Variants in RPAP2 observed in about 807,000 individuals in gnomAD.
RPAP2 encodes putative RNA polymerase II subunit B1 CTD phosphatase RPAP2.
In RPAP2, 52 loss-of-function variants were observed where a neutral mutation model predicts 73.1. That is an observed-to-expected ratio of 0.71 (90% confidence interval 0.57 to 0.90). The LOEUF is 0.90. Ranked by LOEUF, RPAP2 falls within the 40% of genes least tolerant of loss-of-function variation. The pLI is 0.00. For missense variants in RPAP2, 598 were observed against 701.8 expected (o/e 0.85, Z 1.67); for synonymous variants, 225 against 242.1 (o/e 0.93, Z 0.65).
intron 11 of RPAP2, among the ~76,000 whole-genome samples, chr1:92,370,530 T>C (rs1655104520): frequency 6.6e-6 from 1 of 152,214 alleles, no homozygotes; most frequent in Admixed American, 6.5e-5. Flanking sequence ...TTAGATTATA[T>C]ATGAGAAACA....
At chr1:92,382,400 T>A (rs1047001076) in intron 12 of RPAP2, among the ~76,000 whole-genome samples, 2 of 152,208 alleles carry the variant, frequency 1.3e-5, no homozygotes, top group African/African-American at 4.8e-5. Flanking sequence ...CGTACAAGTG[T>A]TCCTATTTCT....
intron 8 of RPAP2, among the ~76,000 whole-genome samples, chr1:92,330,097 T>C (rs989107762): frequency 6.6e-6 from 1 of 152,172 alleles, no homozygotes; most frequent in Admixed American, 6.5e-5. Context: ...GAATGACTCT[T>C]CTGCACCGTC....
chr1:92,320,877 G>A (rs1368084993), intron 7 of RPAP2, among the ~76,000 whole-genome samples: 1 of 152,154 alleles, frequency 6.6e-6, no homozygotes, highest in Non-Finnish European at 1.5e-5. Context: ...AATTTAACCT[G>A]TTGAAATATG....
intron 10 of RPAP2, among the ~76,000 whole-genome samples, chr1:92,337,709 ATTGGATTAT>A (rs1369876603): frequency 3.3e-5 from 5 of 152,048 alleles, no homozygotes; most frequent in African/African-American, 1.2e-4. Flanking sequence ...TAGATATTAT[ATTGGATTAT>A]TATATATCTG....
At chr1:92,361,809 T>G (rs1181410539) in intron 11 of RPAP2, among the ~76,000 whole-genome samples, 4 of 152,036 alleles carry the variant, frequency 2.6e-5, no homozygotes, top group Non-Finnish European at 4.4e-5. Flanking sequence ...ATTCAAAACT[T>G]TATTCCAAAT....
chr1:92,307,045 G>A (rs1651289952), intron 5 of RPAP2, 143 bp from the exon 6 acceptor site: 2 of 612,446 alleles, frequency 3.3e-6, no homozygotes, highest in South Asian at 2.2e-5. Context: ...CAAAGGTTCA[G>A]TATCTTATTT....
At chr1:92,334,416 ATTG>A (rs1304409232) in intron 9 of RPAP2, among the ~76,000 whole-genome samples, 1 of 152,166 alleles carries the variant, frequency 6.6e-6, no homozygotes, top group African/African-American at 2.4e-5. Context: ...ACACTAAGGA[ATTG>A]TTAATTTGGA....
intron 11 of RPAP2, among the ~76,000 whole-genome samples, chr1:92,353,586 G>C (rs1654320600): frequency 6.6e-6 from 1 of 151,900 alleles, no homozygotes; most frequent in African/African-American, 2.4e-5. Flanking sequence ...AGTAGCTACT[G>C]GTATTCTTTT....
chr1:92,378,216 CATTT>C (rs1655474124), intron 11 of RPAP2, among the ~76,000 whole-genome samples: 1 of 150,998 alleles, frequency 6.6e-6, no homozygotes, highest in Admixed American at 6.6e-5. Flanking sequence ...TTCATTCATT[CATTT>C]TTGAGATGGA....
chr1:92,323,015 A>G (rs1224785345), intron 7 of RPAP2, among the ~76,000 whole-genome samples: 1 of 147,002 alleles, frequency 6.8e-6, no homozygotes, highest in Admixed American at 6.8e-5. Flanking sequence ...ATAAATATAT[A>G]CTTTATATTT....
At chr1:92,357,124 C>T (rs1654515069) in intron 11 of RPAP2, among the ~76,000 whole-genome samples, 1 of 144,152 alleles carries the variant, frequency 6.9e-6, no homozygotes, top group African/African-American at 2.6e-5. Flanking sequence ...CACACACAAA[C>T]AGATGTTTAT....
intron 8 of RPAP2, among the ~76,000 whole-genome samples, chr1:92,330,848 A>G (rs747361778): frequency 1.3e-5 from 2 of 152,214 alleles, no homozygotes; most frequent in South Asian, 2.1e-4. Flanking sequence ...TGTGTGGTCC[A>G]TGGAACCAGC....
chr1:92,304,417 A>G (rs1343222758), intron 5 of RPAP2, 68 bp downstream of exon 5: 3 of 791,896 alleles, frequency 3.8e-6, no homozygotes, highest in African/African-American at 3.6e-5. Flanking sequence ...CTAACAAGGC[A>G]TGGCAATTAA....
rs542600291 is a variant in RPAP2 at position 92,401,908 on chromosome 1, T to C, written c.*14897T>C. On this transcript the variant is annotated 3_prime_UTR_variant, in exon 13 of 13. Coordinates refer to ENST00000610020, the MANE Select transcript of RPAP2 (RefSeq NM_024813.3). ...ATAAGACCCACTGATCATGATGCAT[T>C]TTCCTCTTTGTAAATTGCTGTATTC... The C allele has an allele frequency of 6.6e-6, 1 of 152,354 alleles. No homozygotes were observed. Among genetic ancestry groups the C allele is most frequent in the African/African-American group, 2.4e-5 (1 of 41,580 alleles). The allele number at this position is 152,354 out of a possible 1,614,324, so 9.4% of individuals were successfully genotyped here.
chr1:92,342,350 A>G (rs1422554494), intron 10 of RPAP2, among the ~76,000 whole-genome samples: 1 of 152,172 alleles, frequency 6.6e-6, no homozygotes, highest in Non-Finnish European at 1.5e-5. Flanking sequence ...CAGAATATTT[A>G]GGTTGCTGGT....
chr1:92,398,900 T>A lies in RPAP2; in HGVS notation c.*11889T>A, dbSNP rs1271307143. The A allele has an allele frequency of 6.6e-6, 1 of 152,240 alleles. No homozygotes were observed. Among genetic ancestry groups the A allele is most frequent in the Non-Finnish European group, 1.5e-5 (1 of 68,048 alleles). 9.4% of individuals were successfully genotyped at this position (152,240 alleles called of 1,614,324 possible). A position where few individuals can be genotyped will look rare whatever the true frequency, so the allele number is the denominator to read the frequency against. ...ATTTTCTGTGAGAATTCATGTGTCC[T>A]TTTCCAAATTAAACTAGCAAAATAT... On this transcript the variant is annotated 3_prime_UTR_variant, in exon 13 of 13. Transcript: ENST00000610020.
intron 2 of RPAP2, among the ~76,000 whole-genome samples, chr1:92,300,550 G>A (rs935516792): frequency 6.6e-6 from 1 of 152,158 alleles, no homozygotes; most frequent in Admixed American, 6.5e-5. Flanking sequence ...CACTCTCCAA[G>A]TTTCGCTGTC....
intron 6 of RPAP2, among the ~76,000 whole-genome samples, chr1:92,314,890 C>T (rs935172865): frequency 3.3e-5 from 5 of 151,130 alleles, no homozygotes; most frequent in African/African-American, 9.7e-5. Flanking sequence ...ACTAAAAATA[C>T]AAAAATTAAC....
chr1:92,319,241 A>G (rs935934495), intron 6 of RPAP2, among the ~76,000 whole-genome samples: 1 of 152,182 alleles, frequency 6.6e-6, no homozygotes, highest in Non-Finnish European at 1.5e-5. Flanking sequence ...TACATCTCTC[A>G]TGGCATTTAA....
Sources: allele counts gnomAD v4.1 joint callset (sites outside exome capture counted in the v4.1 genomes callset), GRCh38; gene constraint gnomAD v4.1.1; transcripts MANE v1.5; gene names NCBI Gene and HGNC (gene_info 2026-07-23, HGNC 2026-07-21).